Variants in NAALAD2 observed in about 807,000 individuals in gnomAD.
The protein encoded by NAALAD2 is N-acetylated alpha-linked acidic dipeptidase 2.
Under a neutral mutation model 95.6 loss-of-function variants are expected in NAALAD2, and 89 were observed. The observed-to-expected ratio is 0.93, with a 90% CI of 0.78 to 1.11. The LOEUF (loss-of-function observed/expected upper bound fraction) is 1.11. Ranked by LOEUF, NAALAD2 falls within the 50% of genes least tolerant of loss-of-function variation. The probability of loss-of-function intolerance (pLI) is 0.00; values close to 1 mark genes in which losing one functional copy is unlikely to be tolerated. For synonymous variants in NAALAD2, 264 were observed against 294.4 expected, an observed-to-expected ratio of 0.90 and a Z score of 1.06; for missense variants, 894 against 872.4, an observed-to-expected ratio of 1.02 and a Z score of -0.31.
rs748629635 is a variant in NAALAD2 at position 90,177,870 on chromosome 11, C to T, written c.1611C>T (p.Ser537=). The part of the protein sequence containing the change: ...YTKNKKTDKY[S]SYPVYHTIYE... ...TTTTTCAGAAAACAGATAAGTACAG[C>T]AGCTACCCAGTGTACCACACAATTT... The change falls in exon 16 of 19, where the codon AGC becomes AGT. Residue 537 remains serine (S), a synonymous_variant. Transcript: ENST00000534061. 1.9e-6 allele frequency: 3 copies of T among 1,613,034 alleles called. No homozygotes were observed. Among genetic ancestry groups the T allele is most frequent in the East Asian group, 2.2e-5 (1 of 44,784 alleles).
intron 1 of NAALAD2, among the ~76,000 whole-genome samples, chr11:90,135,305 T>A (rs567929368): frequency 6.6e-6 from 1 of 152,340 alleles, no homozygotes; most frequent in African/African-American, 2.4e-5. Context: ...AAGCCATGCC[T>A]TCATGCATAA....
chr11:90,135,165 C>T (rs1951422858), intron 1 of NAALAD2: 1 of 328,708 alleles, frequency 3.0e-6, no homozygotes. Flanking sequence ...AAACTTTCAA[C>T]TAATACGGGC....
rs141025654 is a variant in NAALAD2 at position 90,166,695 on chromosome 11, C to T, written c.1279-2234C>T. On this transcript the variant is annotated intron_variant, in intron 11 of 18. Coordinates refer to ENST00000534061, the MANE Select transcript of NAALAD2 (RefSeq NM_005467.4). ...CTAAAAATACAAAAAATAAGCCAGG[C>T]GCAGTGGTGGGTGCCTGTAGTCCCA... Among the ~76,000 whole-genome samples the T allele has an allele frequency of 5.4e-3, 817 of 151,956 alleles. 7 individuals are homozygous for T. Among genetic ancestry groups the T allele is most frequent in the African/African-American group, 7.0e-3 (289 of 41,466 alleles).
At chr11:90,176,543 A>T (rs1215156107) in intron 15 of NAALAD2, among the ~76,000 whole-genome samples, 1 of 152,106 alleles carries the variant, frequency 6.6e-6, no homozygotes, top group South Asian at 2.1e-4. Context: ...AAATAAAGCA[A>T]GTTTCTCTTT....
chr11:90,177,781 A>T, intron 15 of NAALAD2, 72 bp from the exon 16 acceptor site: 1 of 1,384,712 alleles, frequency 7.2e-7, no homozygotes, highest in Non-Finnish European at 9.8e-7. Context: ...AGTTATTTTT[A>T]TGCTTACATA....
intron 18 of NAALAD2, among the ~76,000 whole-genome samples, chr11:90,184,407 G>A (rs1857061167): frequency 6.6e-6 from 1 of 152,016 alleles, no homozygotes; most frequent in Non-Finnish European, 1.5e-5. Context: ...GCTCAAGAGG[G>A]ATGCACTCAA....
At chr11:90,159,785 T>C (rs1369472320) in intron 8 of NAALAD2, among the ~76,000 whole-genome samples, 1 of 151,518 alleles carries the variant, frequency 6.6e-6, no homozygotes, top group East Asian at 1.9e-4. Context: ...ACCCCGTTTC[T>C]ACTAAAAATA....
rs1250817869 is a variant in NAALAD2 at position 90,173,804 on chromosome 11, T to C, written c.1411-20T>C. On this transcript the variant is annotated intron_variant, in intron 13 of 18. Coordinates refer to ENST00000534061, the MANE Select transcript of NAALAD2 (RefSeq NM_005467.4). ...AGTTGCTTCTACCCCTAATTTCCAG[T>C]ATTTGATTTCTCTTTCCAGATCCCC... The C allele has an allele frequency of 2.5e-6, 4 of 1,577,444 alleles. No homozygotes were observed. The highest frequency in any genetic ancestry group is 1.4e-5 in the African/African-American group (1 of 73,312).
chr11:90,187,223 G>GGGAC (rs1347241857), intron 18 of NAALAD2, among the ~76,000 whole-genome samples: 2 of 151,718 alleles, frequency 1.3e-5, no homozygotes, highest in African/African-American at 4.8e-5. Flanking sequence ...CACTGTTGGT[G>GGGAC]GGACTGTAAA....
Position 90,192,576 on chromosome 11 carries a change from AAATT to A in NAALAD2, c.*832_*835del, listed in dbSNP as rs1318226025. ...AATATATATAAAATTTATTGTATGA[AAATT>A]AAGCCTCAATAAACGTGATTATAAA... On this transcript the variant is annotated 3_prime_UTR_variant, in exon 19 of 19. Transcript: ENST00000534061. 6.6e-6 allele frequency: 1 copy of A among 152,024 alleles called. No homozygotes were observed. Among genetic ancestry groups the A allele is most frequent in the Non-Finnish European group, 1.5e-5 (1 of 67,906 alleles). The allele number at this position is 152,024 out of a possible 1,614,324, so 9.4% of individuals were successfully genotyped here.
At chr11:90,150,451 C>G in intron 4 of NAALAD2, 31 bp from the exon 5 acceptor site, 1 of 1,338,506 alleles carries the variant, frequency 7.5e-7, no homozygotes, top group Non-Finnish European at 1.0e-6. Flanking sequence ...TTAATTTTAG[C>G]AGTATTATAT....
In NAALAD2 at chr11:90,181,657, T is replaced by G; in HGVS notation, c.1896T>G (p.Ala632=). ...CTGCTGTGAAAAACTTCTCAGAGGCTGCTTCAGATTTTCATAAACGACTTA... is the reference window on the plus strand; with the variant it reads ...CTGCTGTGAAAAACTTCTCAGAGGCGGCTTCAGATTTTCATAAACGACTTA... The part of the protein sequence containing the change: ...LFSAVKNFSE[A]ASDFHKRLIQ... Residue 632 remains alanine (A), a synonymous_variant, in exon 17 of 19, where the codon GCT becomes GCG. Transcript: ENST00000534061. The G allele has an allele frequency of 6.2e-7, 1 of 1,607,644 alleles. No individual in the cohort carries two copies. Among genetic ancestry groups the G allele is most frequent in the South Asian group, 1.1e-5 (1 of 89,924 alleles).
rs1207301719 is a variant in NAALAD2 at position 90,192,393 on chromosome 11, G to T, written c.*646G>T. ...ACATAAAATATGTTTCTATTTAGAT[G>T]AAGTGGCAAACTAATCTGTAGTGTT... is the stretch of plus-strand genomic sequence containing the variant. On this transcript the variant is annotated 3_prime_UTR_variant, in exon 19 of 19. Transcript: ENST00000534061. 6.6e-6 allele frequency: 1 copy of T among 152,042 alleles called. No homozygotes were observed. Among genetic ancestry groups the T allele is most frequent in the East Asian group, 1.9e-4 (1 of 5,198 alleles). The allele number at this position is 152,042 out of a possible 1,614,324, so 9.4% of individuals were successfully genotyped here. A position where few individuals can be genotyped will look rare whatever the true frequency, so the allele number is the denominator to read the frequency against.
intron 15 of NAALAD2, among the ~76,000 whole-genome samples, chr11:90,176,675 A>G (rs1236844901): frequency 6.6e-6 from 1 of 152,190 alleles, no homozygotes; most frequent in East Asian, 1.9e-4. Context: ...TCAATGTTAT[A>G]AATTATTTCA....
chr11:90,190,252 C>T (rs1205566711), intron 18 of NAALAD2, among the ~76,000 whole-genome samples: 2 of 152,092 alleles, frequency 1.3e-5, no homozygotes, highest in Non-Finnish European at 2.9e-5. Flanking sequence ...AGATAACAGG[C>T]ACAGGGAGGT....
chr11:90,157,815 G>A (rs1952164751), intron 6 of NAALAD2, among the ~76,000 whole-genome samples: 2 of 151,930 alleles, frequency 1.3e-5, no homozygotes, highest in African/African-American at 4.8e-5. Context: ...CTGCCTCCTG[G>A]GTTCAAGCGA....
intron 4 of NAALAD2, among the ~76,000 whole-genome samples, chr11:90,149,627 G>A (rs1480603647): frequency 2.0e-5 from 3 of 151,746 alleles, no homozygotes; most frequent in African/African-American, 4.8e-5. Flanking sequence ...TAGTGGAGAC[G>A]GGGTTTCTCT....
At chr11:90,175,291 A>C (rs748914535) in intron 14 of NAALAD2, among the ~76,000 whole-genome samples, 6 of 152,232 alleles carry the variant, frequency 3.9e-5, no homozygotes, top group Non-Finnish European at 8.8e-5. Flanking sequence ...AACATTGAAG[A>C]GGTCAGTCTC....
At chr11:90,170,780 A>G (rs1258434836) in intron 13 of NAALAD2, among the ~76,000 whole-genome samples, 3 of 152,108 alleles carry the variant, frequency 2.0e-5, no homozygotes, top group Admixed American at 6.6e-5. Context: ...AGTAAGGGAG[A>G]GGGCATTCTA....
Sources: allele counts gnomAD v4.1 joint callset (sites outside exome capture counted in the v4.1 genomes callset), GRCh38; gene constraint gnomAD v4.1.1; transcripts MANE v1.5; gene names NCBI Gene and HGNC (gene_info 2026-07-23, HGNC 2026-07-21).